The following APOBEC3G variants were observed in gnomAD, a reference collection of about 807,000 sequenced individuals.
The protein encoded by APOBEC3G is apolipoprotein B mRNA editing enzyme catalytic subunit 3G.
Under a neutral mutation model 50.0 loss-of-function variants are expected in APOBEC3G, and 44 were observed. That is an observed-to-expected ratio of 0.88 (90% CI 0.69 to 1.13). The LOEUF (loss-of-function observed/expected upper bound fraction) is 1.13. APOBEC3G is among the 50% of genes most tolerant of loss of function. APOBEC3G has a pLI of 0.00. For missense variants in APOBEC3G, 469 were observed against 492.0 expected, an observed-to-expected ratio of 0.95 and a Z score of 0.44; for synonymous variants, 156 against 175.3, an observed-to-expected ratio of 0.89 and a Z score of 0.87.
intron 5 of APOBEC3G, among the ~76,000 whole-genome samples, chr22:39,084,542 G>A (rs1293247555): frequency 6.7e-6 from 1 of 150,258 alleles, no homozygotes; most frequent in African/African-American, 2.5e-5. Context: ...AAAAAAAAAA[G>A]TGCTTCCTGA....
At chr22:39,083,997 G>T in intron 5 of APOBEC3G, 113 bp downstream of exon 5, 1 of 1,293,746 alleles carries the variant, frequency 7.7e-7, no homozygotes. Context: ...TGTCACCTGT[G>T]CTTCCTGTAG....
intron 4 of APOBEC3G, 22 bp downstream of exon 4, chr22:39,081,607 C>G (rs769825815): frequency 1.3e-6 from 2 of 1,580,396 alleles, no homozygotes; most frequent in Non-Finnish European, 1.7e-6. Flanking sequence ...CCTCCAGGCT[C>G]ATCGCCTCGC....
Position 39,081,203 on chromosome 22 carries a change from A to C in APOBEC3G, c.442A>C (p.Thr148Pro). The C allele has an allele frequency of 6.2e-7, 1 of 1,614,200 alleles. No individual in the cohort carries two copies. The highest frequency in any genetic ancestry group is 8.5e-7 in the Non-Finnish European group (1 of 1,180,020). Residue 148 changes from threonine to proline, a missense_variant, in exon 3 of 8, where the codon ACC becomes CCC. By Grantham distance (38) the Thr-to-Pro change is conservative. Coordinates refer to ENST00000407997, the MANE Select transcript of APOBEC3G (RefSeq NM_021822.4). ...TCAGAAAAGAGACGGTCCGCGTGCC[A>C]CCATGAAGATCATGAATTATGACGG... ...LCQKRDGPRA[T>P]MKIMNYDEFQ...
chr22:39,083,587 C>A, intron 4 of APOBEC3G, 144 bp from the exon 5 acceptor site: 1 of 935,988 alleles, frequency 1.1e-6, no homozygotes, highest in Non-Finnish European at 1.6e-6. Flanking sequence ...TGAGTGGGAG[C>A]CCCTTCTGAC....
At chr22:39,085,947 T>A (rs1165344814) in intron 5 of APOBEC3G, among the ~76,000 whole-genome samples, 1 of 151,982 alleles carries the variant, frequency 6.6e-6, no homozygotes, top group Non-Finnish European at 1.5e-5. Flanking sequence ...GGTGCCCCCG[T>A]CTAATTTTGT....
chr22:39,077,464 C>G (rs915604533), intron 1 of APOBEC3G, 86 bp downstream of exon 1: 1 of 1,550,178 alleles, frequency 6.5e-7, no homozygotes, highest in Non-Finnish European at 8.7e-7. Flanking sequence ...TGGCCTTCCC[C>G]TGCCCCAGCC....
rs746488418 is a variant in APOBEC3G at position 39,081,089 on chromosome 22, G to A, written c.328G>A (p.Glu110Lys). 56 of 1,614,118 alleles carry A rather than the reference G, an allele frequency of 3.5e-5. No homozygotes were observed. Among genetic ancestry groups the A allele is most frequent in the Middle Eastern group, 1.6e-4 (1 of 6,084 alleles). ...AAGGGATATGGCCACGTTCCTGGCCGAGGACCCGAAGGTTACCCTGACCAT... is the reference window on the plus strand; with the variant it reads ...AAGGGATATGGCCACGTTCCTGGCCAAGGACCCGAAGGTTACCCTGACCAT... ...CTRDMATFLA[E>K]DPKVTLTIFV... Residue 110 changes from glutamate to lysine, a missense_variant, in exon 3 of 8, where the codon GAG becomes AAG. Transcript: ENST00000407997.
In APOBEC3G at chr22:39,081,097, G is replaced by A. The variant is rs776020673; in HGVS notation, c.336G>A (p.Pro112=). The change falls in exon 3 of 8, where the codon CCG becomes CCA. Residue 112 remains proline (P), a synonymous_variant. Coordinates refer to ENST00000407997, the MANE Select transcript of APOBEC3G (RefSeq NM_021822.4). ...RDMATFLAED[P]KVTLTIFVAR... ...TGGCCACGTTCCTGGCCGAGGACCC[G>A]AAGGTTACCCTGACCATCTTTGTTG... The A allele has an allele frequency of 2.0e-5, 33 of 1,614,082 alleles. No homozygotes were observed. Among genetic ancestry groups the A allele is most frequent in the African/African-American group, 1.6e-4 (12 of 74,912 alleles).
At chr22:39,077,997 C>T (rs536509015) in intron 1 of APOBEC3G, among the ~76,000 whole-genome samples, 3 of 152,332 alleles carry the variant, frequency 2.0e-5, no homozygotes, top group East Asian at 1.9e-4. Flanking sequence ...CGGTGGCTCA[C>T]ACCTGTCATC....
In APOBEC3G at chr22:39,087,120, T is replaced by C; in HGVS notation, c.1134T>C (p.Ile378=). The change falls in exon 7 of 8, where the codon ATT becomes ATC. Residue 378 remains isoleucine (I), a synonymous_variant. Coordinates refer to ENST00000407997, the MANE Select transcript of APOBEC3G (RefSeq NM_021822.4). ...SQDLSGRLRA[I]LQNQEN ...ACCTGAGTGGGAGGCTGCGGGCCATTCTCCAGGTGAGGGCTTCTTCCCTCT... is the reference window on the plus strand; with the variant it reads ...ACCTGAGTGGGAGGCTGCGGGCCATCCTCCAGGTGAGGGCTTCTTCCCTCT... 6.2e-7 allele frequency: 1 copy of C among 1,613,952 alleles called. No individual in the cohort carries two copies. The highest frequency in any genetic ancestry group is 8.5e-7 in the Non-Finnish European group (1 of 1,179,986).
At chr22:39,086,098 A>G (rs908366314) in intron 5 of APOBEC3G, among the ~76,000 whole-genome samples, 181 bp from the exon 6 acceptor site, 57 of 151,922 alleles carry the variant, frequency 3.8e-4, no homozygotes, top group African/African-American at 1.3e-3. Flanking sequence ...TGAGGTTGGG[A>G]GTTTGAGACC....
At chr22:39,081,398 G>C (rs934620501) in intron 3 of APOBEC3G, 73 bp from the exon 4 acceptor site, 1 of 1,541,304 alleles carries the variant, frequency 6.5e-7, no homozygotes, top group Non-Finnish European at 8.9e-7. Context: ...GAATATGTCT[G>C]GGAGGGGAGG....
Position 39,081,023 on chromosome 22 carries a change from G to T in APOBEC3G, c.262G>T (p.Val88Phe). The change falls in exon 3 of 8, where the codon GTC becomes TTC. Residue 88 changes from valine (V) to phenylalanine (F), a missense_variant. Coordinates refer to ENST00000407997, the MANE Select transcript of APOBEC3G (RefSeq NM_021822.4). The stretch of plus-strand genomic sequence containing the variant: ...GCTGCATCGTGACCAGGAGTATGAG[G>T]TCACCTGGTACATATCCTGGAGCCC... ...RKLHRDQEYE[V>F]TWYISWSPCT... 1.2e-6 allele frequency: 2 copies of T among 1,614,140 alleles called. No individual in the cohort carries two copies. The highest frequency in any genetic ancestry group is 1.7e-6 in the Non-Finnish European group (2 of 1,180,018).
In APOBEC3G at chr22:39,081,514, G is replaced by A. The variant is rs761931024; in HGVS notation, c.510G>A (p.Glu170=). 89 of 1,614,042 alleles carry A rather than the reference G, an allele frequency of 5.5e-5. No homozygotes were observed. The highest frequency in any genetic ancestry group is 7.1e-5 in the Non-Finnish European group (84 of 1,180,012). Residue 170 remains glutamate, a synonymous_variant, in exon 4 of 8, where the codon GAG becomes GAA. Coordinates refer to ENST00000407997, the MANE Select transcript of APOBEC3G (RefSeq NM_021822.4). Reference sequence around the variant, plus strand: ...GCAAGTTCGTGTACAGCCAAAGAGAGCTATTTGAGCCTTGGAATAATCTGC... The same window carrying A: ...GCAAGTTCGTGTACAGCCAAAGAGAACTATTTGAGCCTTGGAATAATCTGC... The part of the protein sequence containing the change: ...CWSKFVYSQR[E]LFEPWNNLPK...
chr22:39,080,451 C>T (rs1212296831), intron 2 of APOBEC3G: 6 of 168,536 alleles, frequency 3.6e-5, no homozygotes, highest in Non-Finnish European at 1.3e-5. Context: ...TGTCAATGCA[C>T]CAGCAACTTT....
chr22:39,078,115 T>C (rs1397343641), intron 1 of APOBEC3G, among the ~76,000 whole-genome samples: 1 of 151,982 alleles, frequency 6.6e-6, no homozygotes, highest in East Asian at 1.9e-4. Flanking sequence ...CAAAATTAGC[T>C]GGGTGTGGTG....
chr22:39,086,452 A>G lies in APOBEC3G; in HGVS notation c.909A>G (p.Lys303=), dbSNP rs777340258. ...QEMAKFISKN[K]HVSLCIFTAR... ...TGGCTAAATTCATTTCAAAAAACAA[A>G]CACGTGAGCCTGTGCATCTTCACTG... The change falls in exon 6 of 8, where the codon AAA becomes AAG. Residue 303 remains lysine, a synonymous_variant. Transcript: ENST00000407997. 6.2e-6 allele frequency: 10 copies of G among 1,614,088 alleles called. No homozygotes were observed. The highest frequency in any genetic ancestry group is 7.6e-6 in the Non-Finnish European group (9 of 1,180,010).
At chr22:39,086,093 T>G (rs546906619) in intron 5 of APOBEC3G, among the ~76,000 whole-genome samples, 186 bp from the exon 6 acceptor site, 1 of 151,812 alleles carries the variant, frequency 6.6e-6, no homozygotes. Context: ...TCACCTGAGG[T>G]TGGGAGTTTG....
At chr22:39,086,919 G>T in intron 6 of APOBEC3G, 92 bp from the exon 7 acceptor site, 1 of 1,449,708 alleles carries the variant, frequency 6.9e-7, no homozygotes, top group South Asian at 1.4e-5. Flanking sequence ...CTGAAACCAG[G>T]ATGTGGGAAG....
Sources: gnomAD v4.1 joint callset for allele counts (sites outside exome capture counted in the v4.1 genomes callset) on GRCh38, gnomAD v4.1.1 for gene constraint, MANE v1.5 for transcripts, NCBI Gene and HGNC (gene_info 2026-07-23, HGNC 2026-07-21) for gene names.